Variants in UNC5C observed in about 807,000 individuals in gnomAD.
The protein encoded by UNC5C is unc-5 netrin receptor C.
UNC5C carries 47 observed loss-of-function variants against 99.8 expected under a neutral mutation model. The observed-to-expected ratio is 0.47, with a 90% CI of 0.37 to 0.60. UNC5C has a LOEUF of 0.60. Ranked by LOEUF, UNC5C falls within the 20% of genes least tolerant of loss-of-function variation. The pLI, the probability that UNC5C is intolerant of heterozygous loss-of-function variation, is 0.00. For synonymous variants in UNC5C, 487 were observed against 452.2 expected, an observed-to-expected ratio of 1.08 and a Z score of -0.98; for missense variants, 1,062 against 1,165.9, an observed-to-expected ratio of 0.91 and a Z score of 1.30.
At chr4:95,230,267 T>C (rs1179125911) in intron 7 of UNC5C, among the ~76,000 whole-genome samples, 1 of 152,228 alleles carries the variant, frequency 6.6e-6, no homozygotes, top group Non-Finnish European at 1.5e-5. Flanking sequence ...TCTGTTCTTA[T>C]TGTTTGCCCA....
intron 1 of UNC5C, among the ~76,000 whole-genome samples, chr4:95,486,857 T>C (rs746308927): frequency 4.6e-5 from 7 of 151,622 alleles, no homozygotes; most frequent in Non-Finnish European, 1.0e-4. Flanking sequence ...CAAAAAACCA[T>C]TTGCTGGAAA....
Position 95,463,527 on chromosome 4 carries a change from C to T in UNC5C, c.124+85207G>A, listed in dbSNP as rs1015825891. ...CAGAGCAGATGGCCAGAGGAGGAAACGTGGGGGTTTCAGGTCTGAAACATC... is the reference window on the plus strand; with the variant it reads ...CAGAGCAGATGGCCAGAGGAGGAAATGTGGGGGTTTCAGGTCTGAAACATC... On this transcript the variant is annotated intron_variant, in intron 1 of 15. Coordinates refer to ENST00000453304, the MANE Select transcript of UNC5C (RefSeq NM_003728.4). Among the ~76,000 whole-genome samples, 14 of 151,990 alleles carry T rather than the reference C, an allele frequency of 9.2e-5. No individual in the cohort carries two copies. The East Asian group carries it at 9.7e-4, about 10-fold the overall frequency.
At chr4:95,422,220 T>A (rs1746339222) in intron 1 of UNC5C, among the ~76,000 whole-genome samples, 1 of 152,210 alleles carries the variant, frequency 6.6e-6, no homozygotes, top group South Asian at 2.1e-4. Flanking sequence ...CATAGTAATA[T>A]TAAGTTCATC....
chr4:95,493,105 T>G (rs187491853), intron 1 of UNC5C, among the ~76,000 whole-genome samples: 3 of 151,408 alleles, frequency 2.0e-5, no homozygotes, highest in Non-Finnish European at 3.0e-5. Context: ...GTAACCAACA[T>G]TATTATAAAT....
intron 1 of UNC5C, among the ~76,000 whole-genome samples, chr4:95,475,439 C>A (rs148278266): frequency 3.3e-5 from 5 of 151,834 alleles, no homozygotes; most frequent in African/African-American, 7.3e-5. Context: ...TCAATGATGG[C>A]GTATATTAAA....
chr4:95,516,934 G>A (rs1722234577), intron 1 of UNC5C, among the ~76,000 whole-genome samples: 1 of 152,130 alleles, frequency 6.6e-6, no homozygotes, highest in African/African-American at 2.4e-5. Context: ...AAAGGGAACT[G>A]AAGTCCCCAG....
At chr4:95,400,194 A>G (rs1269404267) in intron 1 of UNC5C, among the ~76,000 whole-genome samples, 1 of 152,142 alleles carries the variant, frequency 6.6e-6, no homozygotes, top group Non-Finnish European at 1.5e-5. Context: ...AACTAACAGA[A>G]TCTGGCAAAG....
intron 1 of UNC5C, among the ~76,000 whole-genome samples, chr4:95,405,470 G>A (rs1745808880): frequency 6.6e-6 from 1 of 152,148 alleles, no homozygotes. Flanking sequence ...TCATTCCAGT[G>A]ATCCTCAGGG....
At chr4:95,261,084 G>A (rs1290121314) in intron 4 of UNC5C, among the ~76,000 whole-genome samples, 1 of 152,128 alleles carries the variant, frequency 6.6e-6, no homozygotes, top group Non-Finnish European at 1.5e-5. Flanking sequence ...AGAACCAGGA[G>A]GAGCCAACTA....
intron 14 of UNC5C, among the ~76,000 whole-genome samples, chr4:95,181,362 G>A (rs1057106056): frequency 1.3e-5 from 2 of 152,282 alleles, no homozygotes; most frequent in South Asian, 2.1e-4. Context: ...CAGCCCTGGC[G>A]CGGGAGAGCA....
At chr4:95,448,869 C>G (rs1298233305) in intron 1 of UNC5C, among the ~76,000 whole-genome samples, 1 of 152,042 alleles carries the variant, frequency 6.6e-6, no homozygotes, top group Non-Finnish European at 1.5e-5. Context: ...TGTTTTCTGG[C>G]CAGTTTAACT....
chr4:95,330,880 T>C (rs1006342671), intron 2 of UNC5C, among the ~76,000 whole-genome samples: 1 of 152,088 alleles, frequency 6.6e-6, no homozygotes, highest in Non-Finnish European at 1.5e-5. Flanking sequence ...GATTGTATAG[T>C]GGTAAAGTCA....
At chr4:95,478,742 T>A (rs529613971) in intron 1 of UNC5C, among the ~76,000 whole-genome samples, 1 of 152,182 alleles carries the variant, frequency 6.6e-6, no homozygotes, top group Admixed American at 6.6e-5. Context: ...AACACTGATA[T>A]AGTTTGAATA....
intron 1 of UNC5C, among the ~76,000 whole-genome samples, chr4:95,509,683 G>A (rs529378222): frequency 8.6e-5 from 13 of 151,610 alleles, no homozygotes; most frequent in South Asian, 4.2e-4. Context: ...AATACATTTC[G>A]TGAAATGTGT....
At chr4:95,203,093 T>C (rs1186499257) in intron 11 of UNC5C, 129 bp from the exon 12 acceptor site, 1 of 733,198 alleles carries the variant, frequency 1.4e-6, no homozygotes, top group South Asian at 1.8e-5. Flanking sequence ...TCAGAGTTTA[T>C]AATCTGTCTA....
intron 1 of UNC5C, among the ~76,000 whole-genome samples, chr4:95,509,092 G>A (rs1721998210): frequency 6.6e-6 from 1 of 151,702 alleles, no homozygotes; most frequent in South Asian, 2.1e-4. Flanking sequence ...TAGGAATTTT[G>A]ACATATATAA....
chr4:95,222,491 C>G (rs543087206), intron 7 of UNC5C, among the ~76,000 whole-genome samples: 1 of 152,040 alleles, frequency 6.6e-6, no homozygotes, highest in Admixed American at 6.6e-5. Flanking sequence ...AAACTGGTCT[C>G]GAGTCACTAA....
Position 95,410,461 on chromosome 4 carries a change from C to G in UNC5C, c.125-74830G>C, listed in dbSNP as rs982833126. Among the ~76,000 whole-genome samples, 4 of 152,322 alleles carry G rather than the reference C, an allele frequency of 2.6e-5. No individual in the cohort carries two copies. The East Asian group carries it at 7.7e-4, about 29-fold the overall frequency. On this transcript the variant is annotated intron_variant, in intron 1 of 15. Coordinates refer to ENST00000453304, the MANE Select transcript of UNC5C (RefSeq NM_003728.4). The stretch of plus-strand genomic sequence containing the variant: ...AATTCAACAGATGTTTCAGCGTTCA[C>G]TAAAATACCCCATTATTTTTCAGTG...
At chr4:95,259,765 TAAAATA>T (rs1224101266) in intron 4 of UNC5C, among the ~76,000 whole-genome samples, 1 of 152,190 alleles carries the variant, frequency 6.6e-6, no homozygotes, top group African/African-American at 2.4e-5. Context: ...CACAGGTTAT[TAAAATA>T]AAAGAAATAT....
Sources: gnomAD v4.1 joint callset for allele counts (sites outside exome capture counted in the v4.1 genomes callset) on GRCh38, gnomAD v4.1.1 for gene constraint, MANE v1.5 for transcripts, NCBI Gene and HGNC (gene_info 2026-07-23, HGNC 2026-07-21) for gene names.